Variants in BRINP2 observed in about 807,000 individuals in gnomAD.
The protein encoded by BRINP2 is BMP/retinoic acid inducible neural specific 2.
In BRINP2, 21 loss-of-function variants were observed where a neutral mutation model predicts 69.2. That is an observed-to-expected ratio of 0.30 (90% CI 0.22 to 0.44). BRINP2 has a LOEUF of 0.44. Among genes scored for constraint, BRINP2 ranks in the 20% least tolerant of loss-of-function variants. The pLI is 1.00. For synonymous variants in BRINP2, 380 were observed against 394.1 expected (o/e 0.96, Z 0.42); for missense variants, 877 against 986.0 (o/e 0.89, Z 1.48).
chr1:177,263,703 G>T (rs1651029974), intron 4 of BRINP2, among the ~76,000 whole-genome samples: 1 of 152,226 alleles, frequency 6.6e-6, no homozygotes, highest in Admixed American at 6.5e-5. Flanking sequence ...GATTTACAGA[G>T]TCTGGAGTGA....
intron 4 of BRINP2, among the ~76,000 whole-genome samples, chr1:177,260,116 C>A (rs1433863354): frequency 6.6e-6 from 1 of 152,160 alleles, no homozygotes; most frequent in Non-Finnish European, 1.5e-5. Flanking sequence ...AGGGGGATGT[C>A]AAAATATCAT....
rs550905386 is a variant in BRINP2 at position 177,172,372 on chromosome 1, T to C, written c.-77+640T>C. On this transcript the variant is annotated intron_variant, in intron 1 of 7. Transcript: ENST00000361539. ...CATTGCTGTGCTGAAAGGTGGGATG[T>C]GCTGGTATCATCTAGCAGATCTCTG... Among the ~76,000 whole-genome samples, 6 of 152,350 alleles carry C rather than the reference T, an allele frequency of 3.9e-5. No individual in the cohort carries two copies. In the East Asian group the frequency reaches 1.2e-3, roughly 29 times the overall value.
intron 2 of BRINP2, among the ~76,000 whole-genome samples, chr1:177,250,977 C>G (rs1650563386): frequency 6.6e-6 from 1 of 152,106 alleles, no homozygotes; most frequent in Admixed American, 6.5e-5. Flanking sequence ...TTAACTAATC[C>G]TTGTAAGATG....
intron 1 of BRINP2, among the ~76,000 whole-genome samples, chr1:177,200,733 C>T (rs116837574): frequency 0.023 from 3,481 of 152,264 alleles, 51 homozygotes; most frequent in Non-Finnish European, 0.035. Context: ...TTTATGATCA[C>T]TTAATACTTT....
intron 1 of BRINP2, among the ~76,000 whole-genome samples, chr1:177,208,825 G>A (rs980979271): frequency 2.0e-5 from 3 of 152,248 alleles, no homozygotes; most frequent in Admixed American, 1.3e-4. Flanking sequence ...TTATCAAAAC[G>A]CATTACATAT....
At position 177,257,182 on chromosome 1, in the gene BRINP2, A is replaced by G; in HGVS notation, c.467A>G (p.Glu156Gly). The change falls in exon 4 of 8, where the codon GAG becomes GGG. Residue 156 changes from glutamate (E) to glycine (G), a missense_variant. Around this residue, in one of 3 missense-constraint regions of BRINP2, gnomAD observed 566 missense variants for 625.2 expected, o/e 0.91. Transcript: ENST00000361539. ...CTCGTGTTGTTCACCATAGGAGAAG[A>G]GTCCCTGACCATTTTTGTGGACAAG... ...FLLSATLGGE[E>G]SLTIFVDKQK... 6.2e-7 allele frequency: 1 copy of G among 1,614,092 alleles called. No homozygotes were observed. The highest frequency in any genetic ancestry group is 8.5e-7 in the Non-Finnish European group (1 of 1,180,026).
At chr1:177,197,805 G>T (rs906497780) in intron 1 of BRINP2, among the ~76,000 whole-genome samples, 4 of 152,168 alleles carry the variant, frequency 2.6e-5, no homozygotes, top group African/African-American at 7.2e-5. Context: ...TGGGGAATAA[G>T]GTGTGTTGGA....
intron 2 of BRINP2, among the ~76,000 whole-genome samples, chr1:177,244,372 A>C (rs989494654): frequency 1.3e-5 from 2 of 152,234 alleles, no homozygotes; most frequent in African/African-American, 4.8e-5. Flanking sequence ...GAGCCTCAAC[A>C]AGCTTAGCTA....
intron 2 of BRINP2, among the ~76,000 whole-genome samples, chr1:177,237,757 A>G (rs1296923352): frequency 6.6e-6 from 1 of 152,220 alleles, no homozygotes. Context: ...AATTTTATTC[A>G]TGAATGAATT....
intron 1 of BRINP2, among the ~76,000 whole-genome samples, chr1:177,207,831 G>A (rs370049426): frequency 7.6e-4 from 115 of 152,298 alleles, no homozygotes; most frequent in African/African-American, 2.6e-3. Flanking sequence ...GGAAGGAGGT[G>A]AAGTGAGGAA....
chr1:177,271,854 T>C (rs964430788), intron 4 of BRINP2, among the ~76,000 whole-genome samples: 22 of 152,192 alleles, frequency 1.4e-4, no homozygotes, highest in African/African-American at 5.3e-4. Context: ...ACTTCCTTCA[T>C]AAAGCCTTCG....
Position 177,266,121 on chromosome 1 carries a change from A to AAATAAT in BRINP2, c.670-7347_670-7342dup, listed in dbSNP as rs55687261. ...GGTGACAGAGTGAGACTCCATCTCAAAATAATAATAATAATAATAATAATA... is the reference window on the plus strand; with the variant it reads ...GGTGACAGAGTGAGACTCCATCTCAAAATAATAATAATAATAATAATAATAATAATA... On this transcript the variant is annotated intron_variant, in intron 4 of 7. Transcript: ENST00000361539. Among the ~76,000 whole-genome samples the AAATAAT allele has an allele frequency of 6.3e-3, 928 of 148,016 alleles. 10 individuals are homozygous for AAATAAT. Among genetic ancestry groups the AAATAAT allele is most frequent in the Non-Finnish European group, 7.4e-3 (495 of 67,120 alleles).
intron 1 of BRINP2, among the ~76,000 whole-genome samples, chr1:177,172,469 G>A (rs2102282571): frequency 6.6e-6 from 1 of 152,232 alleles, no homozygotes. Flanking sequence ...GTGTGCTTGT[G>A]CTCACAGCTG....
chr1:177,224,486 G>A (rs571305099), intron 1 of BRINP2, among the ~76,000 whole-genome samples: 27 of 152,302 alleles, frequency 1.8e-4, no homozygotes, highest in African/African-American at 6.0e-4. Context: ...TCAGCAGCAG[G>A]TGGGATCACC....
At chr1:177,235,203 A>G (rs947725602) in intron 2 of BRINP2, among the ~76,000 whole-genome samples, 2 of 152,162 alleles carry the variant, frequency 1.3e-5, no homozygotes, top group Non-Finnish European at 2.9e-5. Flanking sequence ...GCATTTTAAC[A>G]GGATCCCCAG....
intron 4 of BRINP2, among the ~76,000 whole-genome samples, chr1:177,267,559 T>C (rs938902631): frequency 2.6e-5 from 4 of 152,256 alleles, no homozygotes; most frequent in Non-Finnish European, 4.4e-5. Context: ...TTAGGTGCTT[T>C]ATAATTCTTT....
chr1:177,197,438 A>C (rs1571892355), intron 1 of BRINP2, among the ~76,000 whole-genome samples: 1 of 152,106 alleles, frequency 6.6e-6, no homozygotes, highest in African/African-American at 2.4e-5. Flanking sequence ...TAAACATGAG[A>C]TATGGGTGGG....
At chr1:177,270,583 C>A (rs1386358934) in intron 4 of BRINP2, among the ~76,000 whole-genome samples, 1 of 152,122 alleles carries the variant, frequency 6.6e-6, no homozygotes, top group African/African-American at 2.4e-5. Flanking sequence ...TGTGGCTATT[C>A]TCTAGCCTGT....
chr1:177,232,988 T>C (rs1571919026), intron 2 of BRINP2, among the ~76,000 whole-genome samples: 1 of 152,232 alleles, frequency 6.6e-6, no homozygotes, highest in South Asian at 2.1e-4. Context: ...GTATATTTGG[T>C]GCAGAATCAC....
Sources: gnomAD v4.1 joint callset for allele counts (sites outside exome capture counted in the v4.1 genomes callset) on GRCh38, gnomAD v4.1.1 for gene constraint, gnomAD v4.1.1 regional missense constraint, MANE v1.5 for transcripts, NCBI Gene and HGNC (gene_info 2026-07-23, HGNC 2026-07-21) for gene names.